PIBF1: variants seen among roughly 807,000 people sequenced by gnomAD.
PIBF1 encodes progesterone-induced-blocking factor 1.
PIBF1 carries 90 observed loss-of-function variants against 112.5 expected under a neutral mutation model. The observed-to-expected ratio is 0.80, with a 90% CI of 0.67 to 0.95. The LOEUF is 0.95. PIBF1 is among the 40% of genes least tolerant of loss of function. The probability of loss-of-function intolerance (pLI) is 0.00; values close to 1 mark genes in which losing one functional copy is unlikely to be tolerated. For synonymous variants in PIBF1, 301 were observed against 288.6 expected, an observed-to-expected ratio of 1.04 and a Z score of -0.44; for missense variants, 915 against 852.3, an observed-to-expected ratio of 1.07 and a Z score of -0.92.
At chr13:72,848,979 A>G (rs2038005098) in intron 9 of PIBF1, among the ~76,000 whole-genome samples, 3 of 152,206 alleles carry the variant, frequency 2.0e-5, no homozygotes. Context: ...TTTATTCTAA[A>G]AAGTGCACCA....
intron 16 of PIBF1, among the ~76,000 whole-genome samples, chr13:72,990,773 G>A (rs1169647372): frequency 2.0e-5 from 3 of 151,764 alleles, no homozygotes; most frequent in African/African-American, 7.3e-5. Flanking sequence ...GTTTGAACCC[G>A]GGAGGTGGAG....
At chr13:72,903,039 G>T (rs996872550) in intron 11 of PIBF1, among the ~76,000 whole-genome samples, 1 of 151,868 alleles carries the variant, frequency 6.6e-6, no homozygotes, top group Non-Finnish European at 1.5e-5. Context: ...AAGATTACAG[G>T]CGTGCACCAC....
At chr13:72,918,108 G>A (rs947382321) in intron 13 of PIBF1, among the ~76,000 whole-genome samples, 2 of 152,174 alleles carry the variant, frequency 1.3e-5, no homozygotes, top group Admixed American at 1.3e-4. Flanking sequence ...ATCCTGCTTT[G>A]CAAAAACATC....
intron 2 of PIBF1, among the ~76,000 whole-genome samples, chr13:72,788,797 C>T (rs763226882): frequency 6.6e-6 from 1 of 152,142 alleles, no homozygotes; most frequent in Non-Finnish European, 1.5e-5. Flanking sequence ...TGTTGGGAGG[C>T]AAGTAAGTTT....
At chr13:72,890,423 C>G (rs1379665114) in intron 10 of PIBF1, among the ~76,000 whole-genome samples, 3 of 152,078 alleles carry the variant, frequency 2.0e-5, no homozygotes, top group Admixed American at 6.6e-5. Flanking sequence ...AGTGAATATT[C>G]CTTCAGAGCA....
At chr13:72,996,249 A>G (rs1388868258) in intron 16 of PIBF1, among the ~76,000 whole-genome samples, 2 of 147,440 alleles carry the variant, frequency 1.4e-5, no homozygotes, top group African/African-American at 5.3e-5. Flanking sequence ...AATCAACTGA[A>G]AAAAAACCTT....
chr13:72,817,564 A>G (rs570189182), intron 5 of PIBF1, among the ~76,000 whole-genome samples: 1 of 152,306 alleles, frequency 6.6e-6, no homozygotes, highest in Non-Finnish European at 1.5e-5. Flanking sequence ...GATTACAGAA[A>G]ACTTCCTTAG....
chr13:72,986,231 C>T (rs2043284412), intron 16 of PIBF1, among the ~76,000 whole-genome samples: 1 of 152,036 alleles, frequency 6.6e-6, no homozygotes, highest in Non-Finnish European at 1.5e-5. Flanking sequence ...AGACAGCAGC[C>T]AGATGACTAC....
intron 12 of PIBF1, among the ~76,000 whole-genome samples, chr13:72,914,006 T>C (rs994165208): frequency 1.2e-4 from 19 of 152,202 alleles, no homozygotes; most frequent in East Asian, 9.6e-4. Flanking sequence ...TGAATACTTA[T>C]CGATTAACTA....
At chr13:72,954,934 T>C (rs2042401437) in intron 14 of PIBF1, among the ~76,000 whole-genome samples, 1 of 152,188 alleles carries the variant, frequency 6.6e-6, no homozygotes, top group African/African-American at 2.4e-5. Flanking sequence ...GTACTCCCAG[T>C]ATCTGCAGGT....
At chr13:72,852,439 C>T (rs151274780) in intron 9 of PIBF1, among the ~76,000 whole-genome samples, 1 of 152,332 alleles carries the variant, frequency 6.6e-6, no homozygotes, top group African/African-American at 2.4e-5. Flanking sequence ...CTGACTTGCT[C>T]ACGCACCCCT....
chr13:72,797,839 C>G, intron 4 of PIBF1, 68 bp from the exon 5 acceptor site: 2 of 1,173,788 alleles, frequency 1.7e-6, no homozygotes, highest in Non-Finnish European at 2.4e-6. Flanking sequence ...TAAGTGAGAG[C>G]ACTACAAATT....
At chr13:72,872,331 T>C (rs2039202813) in intron 10 of PIBF1, among the ~76,000 whole-genome samples, 1 of 152,200 alleles carries the variant, frequency 6.6e-6, no homozygotes, top group Non-Finnish European at 1.5e-5. Context: ...TTATCAGAAA[T>C]AGGACTTTGA....
intron 10 of PIBF1, among the ~76,000 whole-genome samples, chr13:72,869,377 A>C (rs1361693824): frequency 6.7e-6 from 1 of 149,772 alleles, no homozygotes; most frequent in Non-Finnish European, 1.5e-5. Context: ...CAAAAAACCA[A>C]GCACTGCATG....
chr13:72,800,412 G>T (rs1007289219), intron 5 of PIBF1, among the ~76,000 whole-genome samples: 1 of 152,172 alleles, frequency 6.6e-6, no homozygotes, highest in Non-Finnish European at 1.5e-5. Flanking sequence ...TTTATTTTTT[G>T]AAATGGTTCA....
rs573020847 is a variant in PIBF1, at chr13:72,974,907, C to T, written c.2049+1232C>T. Among the ~76,000 whole-genome samples the T allele has an allele frequency of 4.1e-4, 63 of 152,236 alleles. No homozygotes were observed. The East Asian group carries it at 0.011, about 28-fold the overall frequency. ...TCCAAAGTTACTATACTTTTGCATT[C>T]CCCCTCTACGATGAATGAGAGTTCC... On this transcript the variant is annotated intron_variant, in intron 16 of 17. Transcript: ENST00000326291.
At chr13:72,949,456 C>T (rs1396658547) in intron 14 of PIBF1, among the ~76,000 whole-genome samples, 1 of 151,962 alleles carries the variant, frequency 6.6e-6, no homozygotes, top group East Asian at 1.9e-4. Flanking sequence ...GCTGGGATTA[C>T]AGGTGTGTGC....
At chr13:73,008,285 A>G (rs2044099325) in intron 17 of PIBF1, among the ~76,000 whole-genome samples, 2 of 152,194 alleles carry the variant, frequency 1.3e-5, no homozygotes, top group Admixed American at 1.3e-4. Context: ...GTTATTTACC[A>G]TTTCCACTCA....
chr13:72,985,731 C>T (rs1248170264), intron 16 of PIBF1, among the ~76,000 whole-genome samples: 1 of 152,130 alleles, frequency 6.6e-6, no homozygotes, highest in African/African-American at 2.4e-5. Context: ...GGAGAAGGTA[C>T]AGGCACTGGA....
Sources: gnomAD v4.1 joint callset for allele counts (sites outside exome capture counted in the v4.1 genomes callset) on GRCh38, gnomAD v4.1.1 for gene constraint, MANE v1.5 for transcripts, NCBI Gene and HGNC (gene_info 2026-07-23, HGNC 2026-07-21) for gene names.